MYH6: variants seen among roughly 807,000 people sequenced by gnomAD.
The protein encoded by MYH6 is myosin heavy chain 6.
In MYH6, 126 loss-of-function variants were observed where a neutral mutation model predicts 223.2. The ratio of observed to expected loss-of-function variants is 0.56; its 90% CI spans 0.49 to 0.65. The LOEUF is 0.65. MYH6 is among the 30% of genes least tolerant of loss of function. The pLI, the probability that MYH6 is intolerant of heterozygous loss-of-function variation, is 0.00. For synonymous variants in MYH6, 978 were observed against 1,010.2 expected (o/e 0.97, Z 0.61); for missense variants, 2,040 against 2,536.4 (o/e 0.80, Z 4.20).
intron 17 of MYH6, 31 bp from the exon 18 acceptor site, chr14:23,397,111 C>G (rs1891421540): frequency 6.2e-7 from 1 of 1,614,222 alleles, no homozygotes. Flanking sequence ...AAAGGGTCAG[C>G]CTTAGGGTAA....
intron 37 of MYH6, among the ~76,000 whole-genome samples, chr14:23,382,954 T>C (rs550517846): frequency 4.3e-4 from 66 of 152,212 alleles, no homozygotes; most frequent in Non-Finnish European, 7.6e-4. Flanking sequence ...GCCACCTTCC[T>C]GCCTTCAGCT....
intron 7 of MYH6, 30 bp downstream of exon 7, chr14:23,404,681 G>C: frequency 6.2e-7 from 1 of 1,602,556 alleles, no homozygotes; most frequent in Non-Finnish European, 8.5e-7. Flanking sequence ...CCCAACCCCT[G>C]TTCTGCCGAG....
chr14:23,402,437 C>T, intron 12 of MYH6, 27 bp downstream of exon 12: 1 of 1,611,552 alleles, frequency 6.2e-7, no homozygotes, highest in Non-Finnish European at 8.5e-7. Flanking sequence ...TCAGGCCTTC[C>T]CAGGGCTGCC....
In MYH6 at chr14:23,405,474, G is replaced by A; in HGVS notation, c.346-95C>T. 6.2e-7 allele frequency: 1 copy of A among 1,602,488 alleles called. No homozygotes were observed. Among genetic ancestry groups the A allele is most frequent in the South Asian group, 1.1e-5 (1 of 90,746 alleles). On this transcript the variant is annotated intron_variant, in intron 4 of 38. Coordinates refer to ENST00000405093, the MANE Select transcript of MYH6 (RefSeq NM_002471.4). This position sits in a 1 kb window ranked among gnomAD's most constrained non-coding sequence, Gnocchi z 4.7. ...GGCATGTCCCTGTTCACTCCAGCTG[G>A]CTCTACTCCTCCTGCAGCTGACTAG...
At position 23,405,936 on chromosome 14, in the gene MYH6, A is replaced by C. The variant is rs572166613; in HGVS notation, c.202-166T>G. ...CGATGTCCCCTGGGACACTTTCCCC[A>C]GGTAATTTCCCTTCCCATTGTATCT... is the stretch of plus-strand genomic sequence containing the variant. On this transcript the variant is annotated intron_variant, in intron 3 of 38. Transcript: ENST00000405093. The surrounding 1 kb of genome is among the most constrained non-coding windows in gnomAD (Gnocchi z 4.7). Among the ~76,000 whole-genome samples, 1 of 152,018 alleles carries C rather than the reference A, an allele frequency of 6.6e-6. No homozygotes were observed. Among genetic ancestry groups the C allele is most frequent in the South Asian group, 2.1e-4 (1 of 4,816 alleles).
At chr14:23,386,232 T>A (rs1258175273) in intron 33 of MYH6, 83 bp downstream of exon 33, 2 of 1,612,612 alleles carry the variant, frequency 1.2e-6, no homozygotes, top group Non-Finnish European at 1.7e-6. Flanking sequence ...GCAGGAGGAA[T>A]CTGGTGCCTG....
chr14:23,399,077 C>G (rs773285050), intron 14 of MYH6, 40 bp from the exon 15 acceptor site: 1 of 1,608,760 alleles, frequency 6.2e-7, no homozygotes, highest in Non-Finnish European at 8.5e-7. Flanking sequence ...AATCACTGAG[C>G]ACACTCCCAG....
At chr14:23,382,136 CT>C in intron 38 of MYH6, 73 bp from the exon 39 acceptor site, 1 of 1,425,472 alleles carries the variant, frequency 7.0e-7, no homozygotes, top group Admixed American at 1.7e-5. Context: ...ATCCCTGGGG[CT>C]TTCAGAGGCC....
chr14:23,401,169 G>A (rs377279495), intron 12 of MYH6, among the ~76,000 whole-genome samples, 192 bp from the exon 13 acceptor site: 4 of 152,170 alleles, frequency 2.6e-5, no homozygotes, highest in South Asian at 4.1e-4. Flanking sequence ...ACCATGCCAG[G>A]CTAATTTTTG....
chr14:23,392,562 C>A lies in MYH6; in HGVS notation c.3342G>T (p.Gln1114His). 6.3e-7 allele frequency: 1 copy of A among 1,598,204 alleles called. No homozygotes were observed. Among genetic ancestry groups the A allele is most frequent in the Non-Finnish European group, 8.5e-7 (1 of 1,169,996 alleles). Reference protein sequence around the residue: ...LQLQKKLKENQARIEELEEEL... With the variant: ...LQLQKKLKENHARIEELEEEL... ...TTCATGCACTGGGAAAAAAAGTCAC[C>A]TGGTTTTCCTTCAGTTTCTTCTGTA... The change falls in exon 25 of 39, where the codon CAG becomes CAT. Residue 1114 changes from glutamine (Q) to histidine (H), a missense_variant and splice_region_variant. Gln to His is a conservative substitution (Grantham distance 24, BLOSUM62 0). Transcript: ENST00000405093.
chr14:23,383,166 A>G (rs1214859219), intron 37 of MYH6, 59 bp downstream of exon 37: 1 of 1,425,060 alleles, frequency 7.0e-7, no homozygotes, highest in African/African-American at 1.4e-5. Flanking sequence ...GGAGATATTC[A>G]TTGGTTCTCA....
rs751108399 is a variant in MYH6, at chr14:23,401,011, C to CTTTTTT, written c.1142-40_1142-35dup. The CTTTTTT allele has an allele frequency of 3.6e-4, 529 of 1,456,094 alleles. 1 individual carries two copies. In the African/African-American group the frequency reaches 6.2e-3, roughly 17 times the overall value. 90.2% of individuals were successfully genotyped at this position (1,456,094 alleles called of 1,614,324 possible). A position where few individuals can be genotyped will look rare whatever the true frequency, so the allele number is the denominator to read the frequency against. On this transcript the variant is annotated intron_variant, in intron 12 of 38. Coordinates refer to ENST00000405093, the MANE Select transcript of MYH6 (RefSeq NM_002471.4). Reference sequence around the variant, plus strand: ...GAGGGAAAGGATAAGTGAGCACTTCCTTTTTTTTTTTTTAAGATAGAGGCT... The same window carrying CTTTTTT: ...GAGGGAAAGGATAAGTGAGCACTTCCTTTTTTTTTTTTTTTTTTTAAGATAGAGGCT...
intron 31 of MYH6, 38 bp downstream of exon 31, chr14:23,387,720 C>T (rs201767846): frequency 3.5e-4 from 567 of 1,614,142 alleles, no homozygotes; most frequent in Admixed American, 6.7e-4. Context: ...CCCTCCCTCC[C>T]ACCAACTCAT....
At position 23,384,669 on chromosome 14, in the gene MYH6, G is replaced by A. The variant is rs1046257632; in HGVS notation, c.5338C>T (p.His1780Tyr). The change falls in exon 36 of 39, where the codon CAC becomes TAC. Residue 1780 changes from histidine (H) to tyrosine (Y), a missense_variant. Physicochemically the swap from His to Tyr is moderately conservative, Grantham distance 83. Around this residue, in one of 4 missense-constraint regions of MYH6, gnomAD observed 1,203 missense variants for 1,400.2 expected, o/e 0.86. Transcript: ENST00000405093. ...ELKKEQDTSA[H>Y]LERMKKNMEQ... Reference sequence around the variant, plus strand: ...ATGTTCTTCTTCATGCGCTCCAGGTGGGCGCTGGTGTCCTGCTCCTTCTTC... The same window carrying A: ...ATGTTCTTCTTCATGCGCTCCAGGTAGGCGCTGGTGTCCTGCTCCTTCTTC... 6 of 1,614,254 alleles carry A rather than the reference G, an allele frequency of 3.7e-6. No homozygotes were observed. Among genetic ancestry groups the A allele is most frequent in the Admixed American group, 1.7e-5 (1 of 60,038 alleles).
In MYH6 at chr14:23,382,492, C is replaced by T. The variant is rs1463159568; in HGVS notation, c.5732G>A (p.Arg1911Gln). The T allele has an allele frequency of 8.1e-6, 13 of 1,614,046 alleles. No homozygotes were observed. Among genetic ancestry groups the T allele is most frequent in the Admixed American group, 1.7e-5 (1 of 60,008 alleles). ...GACCTGGGACTCAGCGATGTCCGCC[C>T]GCTCCTCTGCCTCATCCAGCTCATG... ...VQHELDEAEE[R>Q]ADIAESQVNK... is the part of the protein sequence containing the mutation. Residue 1911 changes from arginine to glutamine, a missense_variant, in exon 38 of 39, where the codon CGG becomes CAG. By Grantham distance (43) the Arg-to-Gln change is conservative (BLOSUM62 1). Around this residue, in one of 4 missense-constraint regions of MYH6, gnomAD observed 1,203 missense variants for 1,400.2 expected, o/e 0.86. Coordinates refer to ENST00000405093, the MANE Select transcript of MYH6 (RefSeq NM_002471.4).
chr14:23,392,686 G>C, intron 24 of MYH6, 34 bp from the exon 25 acceptor site: 1 of 1,465,672 alleles, frequency 6.8e-7, no homozygotes, highest in Non-Finnish European at 9.6e-7. Flanking sequence ...GGGAGTGACA[G>C]GTAGCCTTCC....
intron 12 of MYH6, among the ~76,000 whole-genome samples, 156 bp downstream of exon 12, chr14:23,402,308 C>T (rs1891625666): frequency 6.6e-6 from 1 of 152,036 alleles, no homozygotes; most frequent in Non-Finnish European, 1.5e-5. Flanking sequence ...TTGTGGTGGA[C>T]TCTCTGTCTG....
intron 23 of MYH6, 134 bp downstream of exon 23, chr14:23,393,208 T>C (rs966048696): frequency 1.4e-6 from 2 of 1,463,572 alleles, no homozygotes; most frequent in Admixed American, 1.8e-5. Context: ...AGACCTACTG[T>C]AGTGAGGAAC....
At position 23,386,101 on chromosome 14, in the gene MYH6, G is replaced by C; in HGVS notation, c.4990C>G (p.Arg1664Gly). The change falls in exon 34 of 39, where the codon CGT becomes GGT. Residue 1664 changes from arginine to glycine, a missense_variant. Coordinates refer to ENST00000405093, the MANE Select transcript of MYH6 (RefSeq NM_002471.4). ...DTQIQLDDAV[R>G]ANDDLKENIA... The stretch of plus-strand genomic sequence containing the variant: ...TTCTCCTTCAGGTCGTCGTTGGCAC[G>C]GACCGCATCGTCCAGCTGGATCTGG... The C allele has an allele frequency of 6.2e-7, 1 of 1,614,234 alleles. No individual in the cohort carries two copies. The highest frequency in any genetic ancestry group is 8.5e-7 in the Non-Finnish European group (1 of 1,180,038).
Sources: gnomAD v4.1 joint callset for allele counts (sites outside exome capture counted in the v4.1 genomes callset) on GRCh38, gnomAD v4.1.1 for gene constraint, gnomAD v4.1.1 regional missense constraint, Gnocchi (gnomAD v3.1) non-coding constraint, MANE v1.5 for transcripts, NCBI Gene and HGNC (gene_info 2026-07-23, HGNC 2026-07-21) for gene names.